ADAMTS17: variants seen among roughly 807,000 people sequenced by gnomAD.
The protein encoded by ADAMTS17 is A disintegrin and metalloproteinase with thrombospondin motifs 17.
In ADAMTS17, 113 loss-of-function variants were observed where a neutral mutation model predicts 141.5. The ratio of observed to expected loss-of-function variants is 0.80; its 90% CI spans 0.69 to 0.93. The LOEUF is 0.93. ADAMTS17 is among the 40% of genes least tolerant of loss of function. The pLI, the probability that ADAMTS17 is intolerant of heterozygous loss-of-function variation, is 0.00. For synonymous variants in ADAMTS17, 768 were observed against 630.6 expected, an observed-to-expected ratio of 1.22 and a Z score of -3.27; for missense variants, 1,659 against 1,517.9, an observed-to-expected ratio of 1.09 and a Z score of -1.54.
In ADAMTS17 at chr15:100,102,422, GAAGGGGATCTACATTTGAGGGCCGACCA is replaced by G. The variant is rs1567176059; in HGVS notation, c.2017-5974_2017-5947del. Among the ~76,000 whole-genome samples, 77 of 77,062 alleles carry G rather than the reference GAAGGGGATCTACATTTGAGGGCCGACCA, an allele frequency of 1.0e-3. 4 individuals carry two copies. The highest frequency in any genetic ancestry group is 3.0e-3 in the African/African-American group (34 of 11,470). The allele number at this position is 77,062 out of a possible 152,430, so 50.6% of individuals were successfully genotyped here. A position where few individuals can be genotyped will look rare whatever the true frequency, so the allele number is the denominator to read the frequency against. On this transcript the variant is annotated intron_variant, in intron 14 of 21. Coordinates refer to ENST00000268070, the MANE Select transcript of ADAMTS17 (RefSeq NM_139057.4). ...GGGGATCTACATTTGAGGGCCGACC[GAAGGGGATCTACATTTGAGGGCCGACCA>G]AAGGGGATCTACATTTGAGGGCCAA...
intron 17 of ADAMTS17, among the ~76,000 whole-genome samples, chr15:100,049,726 C>T (rs941462472): frequency 1.3e-5 from 2 of 152,176 alleles, no homozygotes; most frequent in Non-Finnish European, 2.9e-5. Context: ...CCCTTGGAGC[C>T]AGGCTGTCTG....
rs912897016 is a variant in ADAMTS17 at position 100,227,811 on chromosome 15, C to T, written c.1075+26325G>A. Among the ~76,000 whole-genome samples, 9 of 152,208 alleles carry T rather than the reference C, an allele frequency of 5.9e-5. No homozygotes were observed. The South Asian group carries it at 6.2e-4, about 11-fold the overall frequency. The stretch of plus-strand genomic sequence containing the variant: ...AGGAAAAGGAATGGACTGTCGTGAC[C>T]GGCTTCATCACCTGAGGGTGGGCAC... On this transcript the variant is annotated intron_variant, in intron 7 of 21. Transcript: ENST00000268070.
At chr15:100,096,778 G>C (rs1002341948) in intron 14 of ADAMTS17, among the ~76,000 whole-genome samples, 3 of 152,226 alleles carry the variant, frequency 2.0e-5, no homozygotes, top group African/African-American at 4.8e-5. Flanking sequence ...CTGACGCCCT[G>C]ACTGCCTGGG....
intron 15 of ADAMTS17, among the ~76,000 whole-genome samples, chr15:100,075,693 T>C (rs552744778): frequency 3.3e-5 from 5 of 152,370 alleles, no homozygotes; most frequent in African/African-American, 1.2e-4. Flanking sequence ...CATATCTTTT[T>C]TCTGATCTAT....
At chr15:100,151,027 G>A (rs939786999) in intron 10 of ADAMTS17, among the ~76,000 whole-genome samples, 2 of 152,228 alleles carry the variant, frequency 1.3e-5, no homozygotes, top group Non-Finnish European at 2.9e-5. Flanking sequence ...GCCACACAGT[G>A]GCTGATGGTG....
At chr15:100,172,500 T>C (rs2141477363) in intron 8 of ADAMTS17, among the ~76,000 whole-genome samples, 1 of 152,292 alleles carries the variant, frequency 6.6e-6, no homozygotes, top group East Asian at 1.9e-4. Context: ...TGACTCATCC[T>C]GGTCACCTGC....
At chr15:100,336,756 T>C (rs1467220057) in intron 2 of ADAMTS17, among the ~76,000 whole-genome samples, 2 of 152,138 alleles carry the variant, frequency 1.3e-5, no homozygotes, top group African/African-American at 4.8e-5. Context: ...AATCAATCAA[T>C]CGAAAGGGTT....
rs34003703 is a variant in ADAMTS17, at chr15:100,116,132, T to TAAAAAAAAAAAAAAAAAA, written c.1888+697_1888+714dup. 2.0e-4 allele frequency among the ~76,000 whole-genome samples: 17 copies of TAAAAAAAAAAAAAAAAAA among 84,778 alleles called. 1 individual carries two copies. Among genetic ancestry groups the TAAAAAAAAAAAAAAAAAA allele is most frequent in the African/African-American group, 7.5e-4 (16 of 21,290 alleles). The allele number at this position is 84,778 out of a possible 152,430, so 55.6% of individuals were successfully genotyped here. Reference sequence around the variant, plus strand: ...TTTCCTAAAGAAGAACAGTTTTAGGTAAAAAAAAAAAAAAAAAAAAAAAAA... The same window carrying TAAAAAAAAAAAAAAAAAA: ...TTTCCTAAAGAAGAACAGTTTTAGGTAAAAAAAAAAAAAAAAAAAAAAAAAAAAAAAAAAAAAAAAAAA... On this transcript the variant is annotated intron_variant, in intron 13 of 21. Coordinates refer to ENST00000268070, the MANE Select transcript of ADAMTS17 (RefSeq NM_139057.4).
chr15:100,266,830 T>G (rs2043731731), intron 4 of ADAMTS17, among the ~76,000 whole-genome samples: 1 of 152,104 alleles, frequency 6.6e-6, no homozygotes, highest in African/African-American at 2.4e-5. Context: ...TCTCACTGAT[T>G]TGCATGTTGA....
intron 18 of ADAMTS17, among the ~76,000 whole-genome samples, chr15:100,045,646 C>T (rs538115712): frequency 2.0e-5 from 3 of 152,126 alleles, no homozygotes; most frequent in Non-Finnish European, 4.4e-5. Flanking sequence ...GTGGCTCCCT[C>T]CTTTCTGGAG....
chr15:100,015,606 A>G (rs764266165), intron 18 of ADAMTS17, among the ~76,000 whole-genome samples: 37 of 152,134 alleles, frequency 2.4e-4, no homozygotes, highest in Non-Finnish European at 4.1e-4. Context: ...AAAAGACTGT[A>G]TCTTTCCTTC....
rs536618537 is a variant in ADAMTS17, at chr15:100,167,745, C to T, written c.1182-12425G>A. Among the ~76,000 whole-genome samples, 19 of 152,344 alleles carry T rather than the reference C, an allele frequency of 1.2e-4. No homozygotes were observed. In the South Asian group the frequency reaches 3.9e-3, roughly 32 times the overall value. ...AAAGCGCGTATGGCGAAATTCAATG[C>T]GGCAGAGCAAGGGAGATAATTATGG... On this transcript the variant is annotated intron_variant, in intron 8 of 21. Transcript: ENST00000268070.
intron 8 of ADAMTS17, among the ~76,000 whole-genome samples, chr15:100,182,444 G>C (rs936034835): frequency 2.0e-5 from 3 of 152,180 alleles, no homozygotes; most frequent in African/African-American, 7.2e-5. Flanking sequence ...TGATAGGGCA[G>C]CATTGAGTTA....
intron 7 of ADAMTS17, among the ~76,000 whole-genome samples, chr15:100,216,694 G>A (rs762872889): frequency 6.6e-6 from 1 of 152,146 alleles, no homozygotes; most frequent in Non-Finnish European, 1.5e-5. Flanking sequence ...CCAAGCTACC[G>A]GGATGCTTTA....
chr15:100,247,270 GAACA>G (rs72187549), intron 7 of ADAMTS17, among the ~76,000 whole-genome samples: 4,798 of 152,184 alleles, frequency 0.032, 258 homozygotes, highest in African/African-American at 0.11. Flanking sequence ...CAATACAGTG[GAACA>G]AACAGATAGG....
At chr15:99,975,946 A>G in intron 21 of ADAMTS17, 99 bp downstream of exon 21, 3 of 1,342,416 alleles carry the variant, frequency 2.2e-6, no homozygotes, top group Non-Finnish European at 3.0e-6. Context: ...GAGGCCCAAG[A>G]AGGGGCTTTC....
At chr15:100,125,933 G>C (rs1214500554) in intron 12 of ADAMTS17, among the ~76,000 whole-genome samples, 1 of 152,110 alleles carries the variant, frequency 6.6e-6, no homozygotes, top group East Asian at 1.9e-4. Context: ...TAAAGTGAAG[G>C]GGGTGAGAAG....
chr15:100,272,408 C>T (rs1298211748), intron 4 of ADAMTS17, among the ~76,000 whole-genome samples: 1 of 151,734 alleles, frequency 6.6e-6, no homozygotes, highest in Non-Finnish European at 1.5e-5. Flanking sequence ...AAACTCTATC[C>T]CTTATTTGGT....
At chr15:100,281,170 G>A (rs1439149368) in intron 4 of ADAMTS17, 59 bp downstream of exon 4, 4 of 1,594,948 alleles carry the variant, frequency 2.5e-6, no homozygotes, top group Non-Finnish European at 3.4e-6. Context: ...CCTGCTTCCA[G>A]ATCTCTCATC....
Sources: allele counts gnomAD v4.1 joint callset (sites outside exome capture counted in the v4.1 genomes callset), GRCh38; gene constraint gnomAD v4.1.1; transcripts MANE v1.5; gene names NCBI Gene and HGNC (gene_info 2026-07-23, HGNC 2026-07-21).